KAZN: variants seen among roughly 807,000 people sequenced by gnomAD.
KAZN encodes the protein kazrin, periplakin interacting protein.
Under a neutral mutation model 87.4 loss-of-function variants are expected in KAZN, and 40 were observed. That is an observed-to-expected ratio of 0.46 (90% CI 0.36 to 0.60). KAZN has a LOEUF of 0.60. KAZN is among the 20% of genes least tolerant of loss of function. KAZN has a pLI of 0.00. For missense variants in KAZN, 898 were observed against 1,073.9 expected (o/e 0.84, Z 2.29); for synonymous variants, 466 against 458.3 (o/e 1.02, Z -0.22).
At chr1:14,999,494 G>GCC (rs1425034118) in intron 2 of KAZN, among the ~76,000 whole-genome samples, 5 of 132,722 alleles carry the variant, frequency 3.8e-5, no homozygotes, top group African/African-American at 1.8e-4. Flanking sequence ...GGCATTGCCT[G>GCC]CCCCCCTCCC....
intron 1 of KAZN, among the ~76,000 whole-genome samples, chr1:13,942,568 A>T (rs1035540000): frequency 1.6e-5 from 2 of 125,212 alleles, no homozygotes; most frequent in Admixed American, 7.5e-5. Flanking sequence ...AAAAAAAAAA[A>T]AAAATGTATA....
chr1:14,849,933 C>A (rs945197526), intron 1 of KAZN, among the ~76,000 whole-genome samples: 2 of 149,810 alleles, frequency 1.3e-5, no homozygotes, highest in Non-Finnish European at 3.0e-5. Context: ...GATTTTCTAC[C>A]CCCCCTTTTT....
intron 1 of KAZN, among the ~76,000 whole-genome samples, chr1:14,045,145 TCAGAGATGAA>T (rs1642011597): frequency 6.6e-6 from 1 of 152,302 alleles, no homozygotes; most frequent in South Asian, 2.1e-4. Context: ...ACCACTTGGA[TCAGAGATGAA>T]CTGCCCAGAA....
At position 14,736,307 on chromosome 1, in the gene KAZN, T is replaced by A. The variant is rs1172022441; in HGVS notation, c.226+137084T>A. 4.7e-3 allele frequency among the ~76,000 whole-genome samples: 652 copies of A among 137,414 alleles called. 1 individual carries two copies. The highest frequency in any genetic ancestry group is 7.9e-3 in the African/African-American group (281 of 35,368). 90.1% of individuals were successfully genotyped at this position (137,414 alleles called of 152,430 possible). ...TGTGTGTGTGTGTGTGTGTATATTT[T>A]TTTTTTTTGAGACGGAGTTTTGCTC... is the stretch of plus-strand genomic sequence containing the variant. On this transcript the variant is annotated intron_variant, in intron 1 of 14. Coordinates refer to ENST00000376030, the MANE Select transcript of KAZN (RefSeq NM_201628.3).
chr1:14,921,929 C>T (rs1450250293), intron 1 of KAZN, among the ~76,000 whole-genome samples: 2 of 152,200 alleles, frequency 1.3e-5, no homozygotes, highest in Admixed American at 1.3e-4. Flanking sequence ...CCAGGCTGGT[C>T]TTGAACTCTT....
At chr1:14,640,657 C>A (rs1290825612) in intron 1 of KAZN, among the ~76,000 whole-genome samples, 1 of 152,206 alleles carries the variant, frequency 6.6e-6, no homozygotes, top group Non-Finnish European at 1.5e-5. Flanking sequence ...CCTTTCCTTG[C>A]AAAGCACAAT....
rs140648903 is a variant in KAZN at position 14,988,294 on chromosome 1, G to A, written c.418+27419G>A. Among the ~76,000 whole-genome samples the A allele has an allele frequency of 3.4e-3, 522 of 152,300 alleles. 4 individuals are homozygous for A. Among genetic ancestry groups the A allele is most frequent in the South Asian group, 0.02 (95 of 4,830 alleles). ...TCTTCCTCCTCCCGGGGCTTCCTCC[G>A]TCACAGAACGCGCCCCTCCCCTGCG... On this transcript the variant is annotated intron_variant, in intron 2 of 14. Transcript: ENST00000376030.
At chr1:14,991,797 G>A (rs1245127056) in intron 2 of KAZN, among the ~76,000 whole-genome samples, 1 of 152,190 alleles carries the variant, frequency 6.6e-6, no homozygotes, top group Non-Finnish European at 1.5e-5. Flanking sequence ...CTGGTCCCAC[G>A]TGTCTTAGTC....
chr1:13,978,209 A>G (rs1201553314), intron 1 of KAZN, among the ~76,000 whole-genome samples: 8 of 152,002 alleles, frequency 5.3e-5, no homozygotes, highest in Non-Finnish European at 7.4e-5. Context: ...AAAACAAAGA[A>G]GTGTGAAGCA....
At chr1:15,086,602 T>G (rs957745933) in intron 8 of KAZN, among the ~76,000 whole-genome samples, 1 of 152,114 alleles carries the variant, frequency 6.6e-6, no homozygotes, top group African/African-American at 2.4e-5. Context: ...ACAAAGAAAT[T>G]GGTAAACATG....
chr1:13,896,503 G>A (rs1639051638), intron 1 of KAZN, among the ~76,000 whole-genome samples: 2 of 152,018 alleles, frequency 1.3e-5, no homozygotes, highest in African/African-American at 4.8e-5. Flanking sequence ...TGTTGCCCAG[G>A]CTGGTCTTGA....
intron 1 of KAZN, among the ~76,000 whole-genome samples, chr1:13,912,098 A>T (rs1408852710): frequency 6.6e-6 from 1 of 152,196 alleles, no homozygotes; most frequent in African/African-American, 2.4e-5. Context: ...ATGCTAGAGG[A>T]CCATGTGCTT....
At chr1:14,479,169 G>A (rs1240090504) in intron 2 of KAZN, among the ~76,000 whole-genome samples, 2 of 152,144 alleles carry the variant, frequency 1.3e-5, no homozygotes, top group Non-Finnish European at 2.9e-5. Flanking sequence ...GGCCAAGTGG[G>A]CCCCTGTGGC....
chr1:14,233,630 C>T (rs751608784), intron 2 of KAZN, among the ~76,000 whole-genome samples: 1 of 152,186 alleles, frequency 6.6e-6, no homozygotes, highest in Non-Finnish European at 1.5e-5. Flanking sequence ...ATAGAGCACC[C>T]AGGAAGCAGG....
intron 10 of KAZN, 53 bp from the exon 11 acceptor site, chr1:15,101,490 G>C: frequency 7.6e-7 from 1 of 1,308,078 alleles, no homozygotes; most frequent in Non-Finnish European, 1.1e-6. Flanking sequence ...CCGTCCGTCT[G>C]TTTCTGCCGC....
intron 2 of KAZN, among the ~76,000 whole-genome samples, chr1:14,534,250 T>C (rs1421438894): frequency 6.6e-6 from 1 of 152,198 alleles, no homozygotes; most frequent in African/African-American, 2.4e-5. Flanking sequence ...CCATTTCCAA[T>C]TGCTGTTGAC....
intron 1 of KAZN, among the ~76,000 whole-genome samples, chr1:14,840,213 G>A (rs1448037916): frequency 1.3e-5 from 2 of 152,286 alleles, no homozygotes; most frequent in East Asian, 1.9e-4. Context: ...TGCAGAGGTC[G>A]ATTATTGCTT....
At chr1:14,043,309 A>C (rs1359256844) in intron 1 of KAZN, among the ~76,000 whole-genome samples, 1 of 152,208 alleles carries the variant, frequency 6.6e-6, no homozygotes, top group Non-Finnish European at 1.5e-5. Context: ...GCTTGTATAT[A>C]TAGACCAATT....
chr1:14,901,711 C>A (rs1354384133), intron 1 of KAZN, among the ~76,000 whole-genome samples: 3 of 152,140 alleles, frequency 2.0e-5, no homozygotes, highest in African/African-American at 7.2e-5. Context: ...AGGTCACATC[C>A]CCAAAACAGC....
Sources: gnomAD v4.1 joint callset for allele counts (sites outside exome capture counted in the v4.1 genomes callset) on GRCh38, gnomAD v4.1.1 for gene constraint, MANE v1.5 for transcripts, NCBI Gene and HGNC (gene_info 2026-07-23, HGNC 2026-07-21) for gene names.